Variants in ESF1 observed in about 807,000 individuals in gnomAD.
The protein encoded by ESF1 is ESF1 homolog.
In ESF1, 58 loss-of-function variants were observed where a neutral mutation model predicts 92.0. That is an observed-to-expected ratio of 0.63 (90% CI 0.51 to 0.78). The LOEUF (loss-of-function observed/expected upper bound fraction) is 0.78. ESF1 is among the 30% of genes least tolerant of loss of function. ESF1 has a pLI of 0.00. For synonymous variants in ESF1, 321 were observed against 313.7 expected (o/e 1.02, Z -0.24); for missense variants, 922 against 989.1 (o/e 0.93, Z 0.91).
intron 6 of ESF1, among the ~76,000 whole-genome samples, chr20:13,770,594 T>C (rs1024764391): frequency 2.0e-5 from 3 of 152,214 alleles, no homozygotes; most frequent in Non-Finnish European, 4.4e-5. Context: ...GCGATCTTCC[T>C]GCCTAGGCCT....
At chr20:13,736,552 C>T (rs2049976607) in intron 9 of ESF1, among the ~76,000 whole-genome samples, 1 of 152,106 alleles carries the variant, frequency 6.6e-6, no homozygotes, top group South Asian at 2.1e-4. Context: ...GTGCCAGACA[C>T]ATAGTAAATA....
chr20:13,728,811 G>A (rs1186605352), intron 10 of ESF1, among the ~76,000 whole-genome samples: 1 of 151,676 alleles, frequency 6.6e-6, no homozygotes, highest in African/African-American at 2.4e-5. Flanking sequence ...AGGTTGTGGT[G>A]AGCCGAGATC....
At chr20:13,758,758 T>C (rs532572587) in intron 9 of ESF1, among the ~76,000 whole-genome samples, 3 of 152,268 alleles carry the variant, frequency 2.0e-5, no homozygotes, top group East Asian at 3.9e-4. Flanking sequence ...ACATATATAA[T>C]ATAAACAGCA....
Position 13,746,146 on chromosome 20 carries a change from T to A in ESF1, c.1829-12304A>T, listed in dbSNP as rs1050343941. ...TGCCTGGCTAACTTCTGTATTTTTA[T>A]TAGAGATGGGGTTTCACCATATTGG... On this transcript the variant is annotated intron_variant, in intron 9 of 13. Transcript: ENST00000617257. Among the ~76,000 whole-genome samples the A allele has an allele frequency of 2.0e-5, 3 of 151,744 alleles. No individual in the cohort carries two copies. In the East Asian group the frequency reaches 5.8e-4, roughly 29 times the overall value.
At chr20:13,742,174 G>A (rs572415740) in intron 9 of ESF1, among the ~76,000 whole-genome samples, 31 of 152,164 alleles carry the variant, frequency 2.0e-4, no homozygotes, top group South Asian at 1.0e-3. Flanking sequence ...CGAGACCAGC[G>A]TGGCCAATGT....
In ESF1 at chr20:13,728,299, G is replaced by T. The variant is rs1224321268; in HGVS notation, c.2038+79C>A. The T allele has an allele frequency of 8.5e-6, 9 of 1,056,482 alleles. No homozygotes were observed. In the African/African-American group the frequency reaches 9.7e-5, roughly 11 times the overall value. 65.4% of individuals were successfully genotyped at this position (1,056,482 alleles called of 1,614,324 possible). A position where few individuals can be genotyped will look rare whatever the true frequency, so the allele number is the denominator to read the frequency against. ...CAAATACTAGCAATTTTAAAAGAAT[G>T]ATTAGTTTATATTGCTTCCATGTAC... On this transcript the variant is annotated intron_variant, in intron 11 of 13. Transcript: ENST00000617257.
intron 11 of ESF1, among the ~76,000 whole-genome samples, chr20:13,728,087 G>A (rs1044749274): frequency 1.3e-5 from 2 of 152,118 alleles, no homozygotes; most frequent in Non-Finnish European, 2.9e-5. Context: ...CTTTTATAGA[G>A]TCGATCTGAC....
In ESF1 at chr20:13,783,166, G is replaced by A. The variant is rs765859501; in HGVS notation, c.-26C>T. 1.3e-6 allele frequency: 2 copies of A among 1,573,498 alleles called. No homozygotes were observed. The highest frequency in any genetic ancestry group is 1.7e-6 in the Non-Finnish European group (2 of 1,158,842). ...TTTTAATTCTTAATCTCGACCAAAT[G>A]CTTGAAGAAAACAAATACTGAAAAA... On this transcript the variant is annotated 5_prime_UTR_variant, in exon 2 of 14. Coordinates refer to ENST00000617257, the MANE Select transcript of ESF1 (RefSeq NM_001276380.2).
intron 12 of ESF1, among the ~76,000 whole-genome samples, chr20:13,718,341 C>A (rs2049844626): frequency 6.6e-6 from 1 of 152,224 alleles, no homozygotes; most frequent in Admixed American, 6.5e-5. Flanking sequence ...CCTAGGGGCA[C>A]TGCTGCCTTC....
At chr20:13,774,028 G>A (rs1002283130) in intron 4 of ESF1, among the ~76,000 whole-genome samples, 31 of 151,986 alleles carry the variant, frequency 2.0e-4, no homozygotes, top group African/African-American at 7.2e-4. Flanking sequence ...CCGGGAGGCG[G>A]AGCTTGCAGT....
Position 13,716,804 on chromosome 20 carries a change from ATTTTTTTTTTTTTTTT to A in ESF1, c.2262+548_2262+563del, listed in dbSNP as rs71188180. Among the ~76,000 whole-genome samples, 55 of 45,920 alleles carry A rather than the reference ATTTTTTTTTTTTTTTT, an allele frequency of 1.2e-3. 1 individual carries two copies. The South Asian group carries it at 0.019, about 16-fold the overall frequency. 30.1% of individuals were successfully genotyped at this position (45,920 alleles called of 152,430 possible). A position where few individuals can be genotyped will look rare whatever the true frequency, so the allele number is the denominator to read the frequency against. Reference sequence around the variant, plus strand: ...TACAGGTGTGCGCCACTATACCTGGATTTTTTTTTTTTTTTTTTTTTTTTTTTTTTTTAGACAGAGT... The same window carrying A: ...TACAGGTGTGCGCCACTATACCTGGATTTTTTTTTTTTTTTTAGACAGAGT... On this transcript the variant is annotated intron_variant, in intron 13 of 13. Coordinates refer to ENST00000617257, the MANE Select transcript of ESF1 (RefSeq NM_001276380.2).
At chr20:13,781,229 G>A (rs920547494) in intron 2 of ESF1, among the ~76,000 whole-genome samples, 11 of 152,148 alleles carry the variant, frequency 7.2e-5, no homozygotes, top group Admixed American at 1.3e-4. Flanking sequence ...ATGTGGTAAC[G>A]GAGCACTTGA....
At position 13,767,308 on chromosome 20, in the gene ESF1, C is replaced by T. The variant is rs190660225; in HGVS notation, c.1519-384G>A. ...TTGGGAGGCCAAGGCGGGTGGATCA[C>T]CTGAGGTCAGGAGTTCAAGACCAGC... is the stretch of plus-strand genomic sequence containing the variant. On this transcript the variant is annotated intron_variant, in intron 7 of 13. Coordinates refer to ENST00000617257, the MANE Select transcript of ESF1 (RefSeq NM_001276380.2). Among the ~76,000 whole-genome samples, 449 of 152,270 alleles carry T rather than the reference C, an allele frequency of 2.9e-3. 2 individuals are homozygous for T. The highest frequency in any genetic ancestry group is 5.1e-3 in the Admixed American group (78 of 15,290).
intron 7 of ESF1, among the ~76,000 whole-genome samples, chr20:13,768,252 TCA>T (rs2147770265): frequency 6.6e-6 from 1 of 152,260 alleles, no homozygotes; most frequent in Non-Finnish European, 1.5e-5. Flanking sequence ...CGGTGATTTA[TCA>T]CACAGGAAAA....
intron 8 of ESF1, among the ~76,000 whole-genome samples, chr20:13,766,471 T>C (rs1457726002): frequency 6.6e-6 from 1 of 152,236 alleles, no homozygotes; most frequent in Non-Finnish European, 1.5e-5. Flanking sequence ...GCTCTTATTT[T>C]TTAAAAAGGC....
chr20:13,768,451 G>A (rs545358341), intron 7 of ESF1, among the ~76,000 whole-genome samples: 64 of 152,068 alleles, frequency 4.2e-4, no homozygotes, highest in South Asian at 1.9e-3. Context: ...GCATGGTGGC[G>A]TGCCCCTGTA....
chr20:13,756,314 TA>T (rs1329318384), intron 9 of ESF1, among the ~76,000 whole-genome samples: 11 of 152,202 alleles, frequency 7.2e-5, no homozygotes, highest in African/African-American at 2.7e-4. Flanking sequence ...AATACCTCAT[TA>T]GGGGCCTTCA....
chr20:13,769,990 C>T lies in ESF1; in HGVS notation c.1435G>A (p.Glu479Lys). 6.2e-7 allele frequency: 1 copy of T among 1,609,760 alleles called. No homozygotes were observed. Reference sequence around the variant, plus strand: ...ACTTCTGAGGCTACATCCTTAGGCTCATCATCAAAAGTAATATCATCTGGT... The same window carrying T: ...ACTTCTGAGGCTACATCCTTAGGCTTATCATCAAAAGTAATATCATCTGGT... ...FIPDDITFDD[E>K]PKDVASEVNL... Residue 479 changes from glutamate to lysine, a missense_variant, in exon 7 of 14, where the codon GAG becomes AAG. Physicochemically the swap from Glu to Lys is moderately conservative, Grantham distance 56. Coordinates refer to ENST00000617257, the MANE Select transcript of ESF1 (RefSeq NM_001276380.2).
Position 13,771,442 on chromosome 20 carries a change from A to G in ESF1, c.1292T>C (p.Leu431Pro). 6.2e-7 allele frequency: 1 copy of G among 1,613,154 alleles called. No individual in the cohort carries two copies. ...EKLRDYQFKRLKYYYAVVDCD... is the reference protein window; with the variant it reads ...EKLRDYQFKRPKYYYAVVDCD... ...GTCTACTACTGCATAATAGTACTTC[A>G]GTCGTTTGAATTGATAATCTCTCAA... The change falls in exon 6 of 14, where the codon CTG becomes CCG. Residue 431 changes from leucine to proline, a missense_variant. Leu to Pro is a moderately conservative substitution (Grantham distance 98, BLOSUM62 -3). Coordinates refer to ENST00000617257, the MANE Select transcript of ESF1 (RefSeq NM_001276380.2).
Sources: gnomAD v4.1 joint callset for allele counts (sites outside exome capture counted in the v4.1 genomes callset) on GRCh38, gnomAD v4.1.1 for gene constraint, MANE v1.5 for transcripts, NCBI Gene and HGNC (gene_info 2026-07-23, HGNC 2026-07-21) for gene names.